HDAC3: variants seen among roughly 807,000 people sequenced by gnomAD.
HDAC3 encodes SMAP45.
A neutral mutation model predicts 62.3 loss-of-function variants in HDAC3; 21 were observed. That is an observed-to-expected ratio of 0.34 (90% CI 0.24 to 0.49). The LOEUF is 0.49. Ranked by LOEUF, HDAC3 falls within the 20% of genes least tolerant of loss-of-function variation. The pLI is 0.99. For missense variants in HDAC3, 270 were observed against 556.9 expected, an observed-to-expected ratio of 0.48 and a Z score of 5.19; for synonymous variants, 198 against 206.5, an observed-to-expected ratio of 0.96 and a Z score of 0.35.
chr5:141,632,152 G>T (rs2099905315), intron 3 of HDAC3, among the ~76,000 whole-genome samples: 1 of 152,274 alleles, frequency 6.6e-6, no homozygotes, highest in Admixed American at 6.5e-5. Flanking sequence ...GCCTCCTGGA[G>T]TAGCTGGGAC....
rs777842079 is a variant in HDAC3 at position 141,636,825 on chromosome 5, C to T, written c.-35G>A. ...GGGAGCAGGCCCCGCACCTCCGCCG[C>T]CCGCCGCCCGCGGCCGCCGCCAGCC... On this transcript the variant is annotated 5_prime_UTR_variant, in exon 1 of 15. Transcript: ENST00000305264. 6.8e-6 allele frequency: 10 copies of T among 1,479,532 alleles called. No individual in the cohort carries two copies. The highest frequency in any genetic ancestry group is 7.1e-6 in the Non-Finnish European group (8 of 1,119,922). 91.7% of individuals were successfully genotyped at this position (1,479,532 alleles called of 1,614,324 possible). A position where few individuals can be genotyped will look rare whatever the true frequency, so the allele number is the denominator to read the frequency against.
At position 141,626,794 on chromosome 5, in the gene HDAC3, A is replaced by G. The variant is rs2154597825; in HGVS notation, c.831-511T>C. Reference sequence around the variant, plus strand: ...TGTGTGTGTGTGTGTGTATATATATATATATACACACACACACACACACAC... The same window carrying G: ...TGTGTGTGTGTGTGTGTATATATATGTATATACACACACACACACACACAC... On this transcript the variant is annotated intron_variant, in intron 10 of 14. Transcript: ENST00000305264. The surrounding 1 kb of genome is among the most constrained non-coding windows in gnomAD (Gnocchi z 4.6). Among the ~76,000 whole-genome samples the G allele has an allele frequency of 7.3e-6, 1 of 137,572 alleles. No homozygotes were observed. Among genetic ancestry groups the G allele is most frequent in the Admixed American group, 7.3e-5 (1 of 13,730 alleles). 90.3% of individuals were successfully genotyped at this position (137,572 alleles called of 152,430 possible).
chr5:141,628,365 G>T lies in HDAC3; in HGVS notation c.692-178C>A. On this transcript the variant is annotated intron_variant, in intron 8 of 14. Coordinates refer to ENST00000305264, the MANE Select transcript of HDAC3 (RefSeq NM_003883.4). This position sits in a 1 kb window ranked among gnomAD's most constrained non-coding sequence, Gnocchi z 4.7. ...AGACTGCTATGAGTGACTGATGAAA[G>T]CCAATGACTTTTCCCAGAAAAATGC... 1.4e-6 allele frequency: 1 copy of T among 718,504 alleles called. No homozygotes were observed. Among genetic ancestry groups the T allele is most frequent in the Non-Finnish European group, 2.4e-6 (1 of 414,324 alleles). The allele number at this position is 718,504 out of a possible 1,614,324, so 44.5% of individuals were successfully genotyped here.
chr5:141,621,533 C>G lies in HDAC3; in HGVS notation c.1222G>C (p.Glu408Gln), dbSNP rs772117638. 1 of 1,613,698 alleles carries G rather than the reference C, an allele frequency of 6.2e-7. No individual in the cohort carries two copies. Among genetic ancestry groups the G allele is most frequent in the Non-Finnish European group, 8.5e-7 (1 of 1,179,648 alleles). The change falls in exon 15 of 15, where the codon GAG (glutamate) becomes CAG (glutamine). Residue 408 changes from glutamate to glutamine, a missense_variant. This residue lies in a region of HDAC3 where 44 missense variants were observed against 64.3 expected (regional missense o/e 0.68). Coordinates refer to ENST00000305264, the MANE Select transcript of HDAC3 (RefSeq NM_003883.4). ...RGPEENYSRP[E>Q]APNEFYDGDH... is the part of the protein sequence containing the mutation. ...CCATCATAGAACTCATTGGGTGCCT[C>G]TGGCCTGCAAAGCAAGGGGAGAGAG...
intron 14 of HDAC3, among the ~76,000 whole-genome samples, chr5:141,622,836 G>A (rs1311214722): frequency 6.6e-6 from 1 of 152,016 alleles, no homozygotes; most frequent in Non-Finnish European, 1.5e-5. Flanking sequence ...AAGTCTCGCC[G>A]GGGGCGGTGG....
intron 3 of HDAC3, among the ~76,000 whole-genome samples, chr5:141,632,912 C>A (rs2154598014): frequency 6.6e-6 from 1 of 152,308 alleles, no homozygotes; most frequent in South Asian, 2.1e-4. Context: ...CTGCTTCTGT[C>A]ATTAAGATCT....
intron 2 of HDAC3, 134 bp downstream of exon 2, chr5:141,636,414 C>T (rs2099906013): frequency 1.3e-6 from 1 of 754,378 alleles, no homozygotes; most frequent in Non-Finnish European, 2.3e-6. Context: ...TTTCAAGGTA[C>T]TCCTGGTGAC....
chr5:141,629,801 A>G lies in HDAC3; in HGVS notation c.420+59T>C. ...ATTCCCCTCCCAGCTGCCCCCCACC[A>G]TCATCCTAAACACCTACCCTAGGAT... On this transcript the variant is annotated intron_variant, in intron 5 of 14. Transcript: ENST00000305264. The surrounding 1 kb of genome is among the most constrained non-coding windows in gnomAD (Gnocchi z 5.3). 1.2e-6 allele frequency: 2 copies of G among 1,610,570 alleles called. No homozygotes were observed. Among genetic ancestry groups the G allele is most frequent in the Non-Finnish European group, 1.7e-6 (2 of 1,176,836 alleles).
chr5:141,622,816 A>C (rs1262745059), intron 14 of HDAC3, among the ~76,000 whole-genome samples: 2 of 152,064 alleles, frequency 1.3e-5, no homozygotes, highest in Non-Finnish European at 2.9e-5. Context: ...TGACCTTCAG[A>C]AAGTTACTTA....
rs756361230 is a variant in HDAC3, at chr5:141,629,191, A to C, written c.592T>G (p.Tyr198Asp). The change falls in exon 7 of 15, where the codon TAC becomes GAC. Residue 198 changes from tyrosine (Y) to aspartate (D), a missense_variant. By Grantham distance (160) the Tyr-to-Asp change is radical. Coordinates refer to ENST00000305264, the MANE Select transcript of HDAC3 (RefSeq NM_003883.4). The surrounding 1 kb of genome is among the most constrained non-coding windows in gnomAD (Gnocchi z 5.3). ...CCCATACCTGTGCCAGGGAAGAAGT[A>C]ATTTCCGTATTTGTGGAAGGACACC... ...MTVSFHKYGN[Y>D]FFPGTGDMYE... The C allele has an allele frequency of 6.2e-7, 1 of 1,614,176 alleles. No individual in the cohort carries two copies. Among genetic ancestry groups the C allele is most frequent in the Non-Finnish European group, 8.5e-7 (1 of 1,180,016 alleles).
At position 141,628,532 on chromosome 5, in the gene HDAC3, G is replaced by A. The variant is rs377552938; in HGVS notation, c.691+27C>T. 42 of 1,574,552 alleles carry A rather than the reference G, an allele frequency of 2.7e-5. No individual in the cohort carries two copies. Among genetic ancestry groups the A allele is most frequent in the Non-Finnish European group, 3.4e-5 (39 of 1,144,146 alleles). On this transcript the variant is annotated intron_variant, in intron 8 of 14. Coordinates refer to ENST00000305264, the MANE Select transcript of HDAC3 (RefSeq NM_003883.4). The surrounding 1 kb of genome is among the most constrained non-coding windows in gnomAD (Gnocchi z 4.7). ...CAAGGAGAAAAAGAAGGGGCCTAGG[G>A]AACAGAGGGAAGACTTCGGTACTTA...
rs2099904706 is a variant in HDAC3 at position 141,628,086 on chromosome 5, A to G, written c.765+28T>C. The G allele has an allele frequency of 6.2e-7, 1 of 1,609,718 alleles. No individual in the cohort carries two copies. Among genetic ancestry groups the G allele is most frequent in the Non-Finnish European group, 8.5e-7 (1 of 1,176,218 alleles). ...CTCTTTCCCCAAGCCCAGGCAGAAC[A>G]CTCCTGAGGAGGAACTGACAGTATT... On this transcript the variant is annotated intron_variant, in intron 9 of 14. Coordinates refer to ENST00000305264, the MANE Select transcript of HDAC3 (RefSeq NM_003883.4). The surrounding 1 kb of genome is among the most constrained non-coding windows in gnomAD (Gnocchi z 4.7).
chr5:141,629,347 C>A lies in HDAC3; in HGVS notation c.477-41G>T. On this transcript the variant is annotated intron_variant, in intron 6 of 14. Coordinates refer to ENST00000305264, the MANE Select transcript of HDAC3 (RefSeq NM_003883.4). The surrounding 1 kb of genome is among the most constrained non-coding windows in gnomAD (Gnocchi z 5.3). ...AGCCAGGGTCTGAGCTAGAAGTGAA[C>A]CCCCCAACCCACTCCTCTCAAACAC... 1.2e-6 allele frequency: 2 copies of A among 1,612,364 alleles called. No homozygotes were observed. The highest frequency in any genetic ancestry group is 1.1e-5 in the South Asian group (1 of 90,992).
Position 141,636,755 on chromosome 5 carries a change from G to T in HDAC3, c.36C>A (p.Asp12Glu), listed in dbSNP as rs748133981. Residue 12 changes from aspartate to glutamate, a missense_variant, in exon 1 of 15, where the codon GAC becomes GAA. By Grantham distance (45) the Asp-to-Glu change is conservative. Around this residue, in one of 5 missense-constraint regions of HDAC3, gnomAD observed 22 missense variants for 21.3 expected, o/e 1.03. Transcript: ENST00000305264. ...AKTVAYFYDP[D>E]VGNFHYGAGH... ...CCTCACCGTAGTGGAAGTTGCCCAC[G>T]TCGGGGTCGTAGAAATAGGCCACGG... The T allele has an allele frequency of 6.8e-6, 11 of 1,613,900 alleles. No homozygotes were observed. The South Asian group carries it at 1.1e-4, about 16-fold the overall frequency.
In HDAC3 at chr5:141,634,808, C is replaced by T. The variant is rs753253632; in HGVS notation, c.281+3G>A. The T allele has an allele frequency of 6.2e-7, 1 of 1,613,562 alleles. No homozygotes were observed. The highest frequency in any genetic ancestry group is 2.2e-5 in the East Asian group (1 of 44,826). ...GACATCAAAACTCCCAGTCCTCCCTCACCAGTCATCGCCTACGTTGAAGGC... is the reference window on the plus strand; with the variant it reads ...GACATCAAAACTCCCAGTCCTCCCTTACCAGTCATCGCCTACGTTGAAGGC... On this transcript the variant is annotated splice_donor_region_variant and intron_variant, in intron 3 of 14. Coordinates refer to ENST00000305264, the MANE Select transcript of HDAC3 (RefSeq NM_003883.4).
Position 141,628,676 on chromosome 5 carries a change from A to G in HDAC3, c.611-37T>C, listed in dbSNP as rs2099904791. ...TGGGTGGTGGTAGCCACACATGGGA[A>G]GCACCCACAACCCAGCTGTTTCAGC... On this transcript the variant is annotated intron_variant, in intron 7 of 14. Coordinates refer to ENST00000305264, the MANE Select transcript of HDAC3 (RefSeq NM_003883.4). The surrounding 1 kb of genome is among the most constrained non-coding windows in gnomAD (Gnocchi z 4.7). 2 of 1,532,308 alleles carry G rather than the reference A, an allele frequency of 1.3e-6. No homozygotes were observed. Among genetic ancestry groups the G allele is most frequent in the Non-Finnish European group, 1.8e-6 (2 of 1,107,024 alleles). The allele number at this position is 1,532,308 out of a possible 1,614,324, so 94.9% of individuals were successfully genotyped here.
rs1194691894 is a variant in HDAC3 at position 141,628,443 on chromosome 5, A to T, written c.691+116T>A. On this transcript the variant is annotated intron_variant, in intron 8 of 14. Coordinates refer to ENST00000305264, the MANE Select transcript of HDAC3 (RefSeq NM_003883.4). This position sits in a 1 kb window ranked among gnomAD's most constrained non-coding sequence, Gnocchi z 4.7. ...TTCCAGAGATTCATGGTCCCTCTGAAGGCCATTCATCCTTAAGGACAACTG... is the reference window on the plus strand; with the variant it reads ...TTCCAGAGATTCATGGTCCCTCTGATGGCCATTCATCCTTAAGGACAACTG... The T allele has an allele frequency of 1.2e-6, 1 of 850,382 alleles. No homozygotes were observed. The highest frequency in any genetic ancestry group is 2.0e-6 in the Non-Finnish European group (1 of 505,490). The allele number at this position is 850,382 out of a possible 1,614,324, so 52.7% of individuals were successfully genotyped here.
chr5:141,631,274 G>A (rs757215654), intron 3 of HDAC3, among the ~76,000 whole-genome samples: 35 of 152,156 alleles, frequency 2.3e-4, no homozygotes, highest in Non-Finnish European at 3.8e-4. Flanking sequence ...TGCAGCCTCC[G>A]CCTCCCGGGT....
In HDAC3 at chr5:141,628,789, T is replaced by A. The variant is rs2099904816; in HGVS notation, c.611-150A>T. The stretch of plus-strand genomic sequence containing the variant: ...GCCACTAAATCTCTTGCAGCTTGCA[T>A]TCATTGGGCAAATAGTTTTGGGGGA... On this transcript the variant is annotated intron_variant, in intron 7 of 14. Transcript: ENST00000305264. This position sits in a 1 kb window ranked among gnomAD's most constrained non-coding sequence, Gnocchi z 4.7. 4.7e-6 allele frequency: 3 copies of A among 638,866 alleles called. No individual in the cohort carries two copies. Among genetic ancestry groups the A allele is most frequent in the Admixed American group, 2.9e-5 (1 of 34,160 alleles). 39.6% of individuals were successfully genotyped at this position (638,866 alleles called of 1,614,324 possible). A position where few individuals can be genotyped will look rare whatever the true frequency, so the allele number is the denominator to read the frequency against.
Sources: allele counts gnomAD v4.1 joint callset (sites outside exome capture counted in the v4.1 genomes callset), GRCh38; gene constraint gnomAD v4.1.1; regional missense constraint gnomAD v4.1.1; non-coding constraint Gnocchi (gnomAD v3.1); transcripts MANE v1.5; gene names NCBI Gene and HGNC (gene_info 2026-07-23, HGNC 2026-07-21).